The following LZTS3 variants were observed in gnomAD, a reference collection of about 807,000 sequenced individuals.
LZTS3 encodes the protein leucine zipper putative tumor suppressor 3.
In LZTS3, 16 loss-of-function variants were observed where a neutral mutation model predicts 50.9. That is an observed-to-expected ratio of 0.31 (90% CI 0.21 to 0.48). LZTS3 has a LOEUF of 0.48. LZTS3 is among the 20% of genes least tolerant of loss of function. LZTS3 has a pLI of 0.99. For synonymous variants in LZTS3, 408 were observed against 410.6 expected (o/e 0.99, Z 0.08); for missense variants, 816 against 931.0 (o/e 0.88, Z 1.61).
Position 3,166,334 on chromosome 20 carries a change from C to A in LZTS3, c.486G>T (p.Ser162=), listed in dbSNP as rs200251782. Residue 162 remains serine, a synonymous_variant, in exon 4 of 5, where the codon TCG becomes TCT. Coordinates refer to ENST00000337576, the MANE Select transcript of LZTS3 (RefSeq NM_001365618.1). ...TCTTGGGTACGACAGGCTTGAAGGC[C>A]GACGGCCGAACTAGTGGTTCTGAGC... ...DQCSEPLVRP[S]AFKPVVPKNF... 6.2e-7 allele frequency: 1 copy of A among 1,611,780 alleles called. No homozygotes were observed. Among genetic ancestry groups the A allele is most frequent in the African/African-American group, 1.3e-5 (1 of 74,880 alleles).
Sources: gnomAD v4.1 joint callset for allele counts on GRCh38, gnomAD v4.1.1 for gene constraint, MANE v1.5 for transcripts, NCBI Gene and HGNC (gene_info 2026-07-23, HGNC 2026-07-21) for gene names.